The following DUSP16 variants were observed in gnomAD, a reference collection of about 807,000 sequenced individuals.
The protein encoded by DUSP16 is dual specificity protein phosphatase 16.
Under a neutral mutation model 58.3 loss-of-function variants are expected in DUSP16, and 21 were observed. The observed-to-expected ratio is 0.36, with a 90% CI of 0.26 to 0.52. DUSP16 has a LOEUF of 0.52. Among genes scored for constraint, DUSP16 ranks in the 20% least tolerant of loss-of-function variants. The probability of loss-of-function intolerance (pLI) is 0.94; values close to 1 mark genes in which losing one functional copy is unlikely to be tolerated. For synonymous variants in DUSP16, 320 were observed against 323.8 expected, an observed-to-expected ratio of 0.99 and a Z score of 0.12; for missense variants, 726 against 819.0, an observed-to-expected ratio of 0.89 and a Z score of 1.39.
intron 3 of DUSP16, among the ~76,000 whole-genome samples, chr12:12,511,365 T>A (rs1944077230): frequency 6.6e-6 from 1 of 152,124 alleles, no homozygotes; most frequent in African/African-American, 2.4e-5. Context: ...AAGTACAAAT[T>A]CTTCCTTCTG....
intron 5 of DUSP16, chr12:12,485,429 T>A (rs996308869): frequency 2.0e-5 from 3 of 152,258 alleles, no homozygotes; most frequent in African/African-American, 7.2e-5. Context: ...GCAAGTGTTT[T>A]GGAATTACTT....
rs1313220340 is a variant in DUSP16 at position 12,562,703 on chromosome 12, G to A, written c.-952C>T. On this transcript the variant is annotated 5_prime_UTR_variant, in exon 1 of 7. Transcript: ENST00000298573. ...CAGTGAATGAACTCAGCGGAGCCCC[G>A]GGGAAAGGAGGAGACAGGCGAGGGC... Among the ~76,000 whole-genome samples the A allele has an allele frequency of 6.6e-6, 1 of 151,730 alleles. No homozygotes were observed. Among genetic ancestry groups the A allele is most frequent in the Non-Finnish European group, 1.5e-5 (1 of 67,782 alleles).
chr12:12,478,108 G>T (rs1039173705), intron 6 of DUSP16, 93 bp from the exon 7 acceptor site: 13 of 1,166,112 alleles, frequency 1.1e-5, no homozygotes, highest in African/African-American at 7.8e-5. Flanking sequence ...GAATTATCAG[G>T]CAGACCTCAA....
intron 3 of DUSP16, among the ~76,000 whole-genome samples, chr12:12,503,138 G>C (rs979408303): frequency 1.4e-4 from 21 of 151,730 alleles, no homozygotes; most frequent in Admixed American, 4.6e-4. Flanking sequence ...CTATCTCACA[G>C]AGTTGTTGAG....
chr12:12,512,281 T>C (rs144576638), intron 3 of DUSP16, among the ~76,000 whole-genome samples: 121 of 152,328 alleles, frequency 7.9e-4, no homozygotes, highest in Admixed American at 5.6e-3. Context: ...GTGATATACA[T>C]ATACACTTGG....
intron 4 of DUSP16, among the ~76,000 whole-genome samples, chr12:12,487,463 A>G (rs1245959769): frequency 2.0e-5 from 3 of 152,228 alleles, no homozygotes; most frequent in Non-Finnish European, 4.4e-5. Context: ...ATTACTAGAG[A>G]GAGAAGTGGA....
intron 1 of DUSP16, among the ~76,000 whole-genome samples, chr12:12,556,287 G>A (rs1478830941): frequency 1.3e-5 from 2 of 152,164 alleles, no homozygotes; most frequent in African/African-American, 4.8e-5. Flanking sequence ...GCTGGTCACA[G>A]TGGCTTGTGC....
intron 3 of DUSP16, among the ~76,000 whole-genome samples, chr12:12,507,985 T>C (rs1406208113): frequency 6.6e-6 from 1 of 152,228 alleles, no homozygotes; most frequent in Non-Finnish European, 1.5e-5. Flanking sequence ...ATAAACACAA[T>C]CCTTTCATTT....
intron 1 of DUSP16, among the ~76,000 whole-genome samples, chr12:12,524,643 A>G (rs551276262): frequency 4.6e-5 from 7 of 152,356 alleles, no homozygotes; most frequent in South Asian, 4.1e-4. Flanking sequence ...CAGAATTTCT[A>G]TAAGTCAAGG....
chr12:12,547,285 C>G (rs566138311), intron 1 of DUSP16, among the ~76,000 whole-genome samples: 1 of 151,586 alleles, frequency 6.6e-6, no homozygotes, highest in African/African-American at 2.4e-5. Context: ...AAAAATTAGC[C>G]GGGCGTGGTG....
intron 2 of DUSP16, 22 bp downstream of exon 2, chr12:12,520,849 A>T (rs1342075900): frequency 1.2e-6 from 2 of 1,610,188 alleles, no homozygotes. Flanking sequence ...TATTTTGAAA[A>T]GGCAAAAAGG....
At chr12:12,550,069 T>C (rs965537207) in intron 1 of DUSP16, among the ~76,000 whole-genome samples, 2 of 152,094 alleles carry the variant, frequency 1.3e-5, no homozygotes, top group African/African-American at 4.8e-5. Flanking sequence ...GGTTAGGAGT[T>C]GAAGACCAGC....
chr12:12,487,997 C>T (rs985724206), intron 4 of DUSP16, among the ~76,000 whole-genome samples: 13 of 152,134 alleles, frequency 8.5e-5, no homozygotes, highest in African/African-American at 2.7e-4. Context: ...GCCAAGATAA[C>T]CAAAAAAGCC....
In DUSP16 at chr12:12,476,745, T is replaced by C. The variant is rs1056762402; in HGVS notation, c.*88A>G. On this transcript the variant is annotated 3_prime_UTR_variant, in exon 7 of 7. Coordinates refer to ENST00000298573, the MANE Select transcript of DUSP16 (RefSeq NM_030640.3). ...TCCATTTTCCAAAAATATATATGTA[T>C]GTACATATATATATTTCAGATTTAC... 1.0e-5 allele frequency: 13 copies of C among 1,239,040 alleles called. No homozygotes were observed. The highest frequency in any genetic ancestry group is 3.0e-5 in the African/African-American group (2 of 65,860). The allele number at this position is 1,239,040 out of a possible 1,614,324, so 76.8% of individuals were successfully genotyped here. A position where few individuals can be genotyped will look rare whatever the true frequency, so the allele number is the denominator to read the frequency against.
intron 5 of DUSP16, 66 bp downstream of exon 5, chr12:12,486,962 T>C: frequency 6.3e-7 from 1 of 1,577,686 alleles, no homozygotes; most frequent in Non-Finnish European, 8.7e-7. Flanking sequence ...AATGGGGGGC[T>C]GAGGGGGTTC....
chr12:12,529,974 T>C (rs1944361814), intron 1 of DUSP16, among the ~76,000 whole-genome samples: 1 of 152,256 alleles, frequency 6.6e-6, no homozygotes, highest in Admixed American at 6.5e-5. Flanking sequence ...TCTTGGCTAT[T>C]GTAAATAGCA....
chr12:12,507,384 C>T (rs1944012240), intron 3 of DUSP16, among the ~76,000 whole-genome samples: 2 of 152,178 alleles, frequency 1.3e-5, no homozygotes, highest in South Asian at 4.1e-4. Flanking sequence ...GATTTATCAA[C>T]TGGCAGAGCC....
intron 3 of DUSP16, among the ~76,000 whole-genome samples, chr12:12,504,528 C>G (rs1348512259): frequency 6.6e-6 from 1 of 152,068 alleles, no homozygotes; most frequent in Non-Finnish European, 1.5e-5. Context: ...TCCCACAGTG[C>G]TGGGTTTACA....
chr12:12,547,584 G>A (rs1183255883), intron 1 of DUSP16, among the ~76,000 whole-genome samples: 2 of 142,100 alleles, frequency 1.4e-5, no homozygotes, highest in Non-Finnish European at 3.0e-5. Flanking sequence ...TGTATCTCCA[G>A]GGTAAGTACA....
Sources: allele counts gnomAD v4.1 joint callset (sites outside exome capture counted in the v4.1 genomes callset), GRCh38; gene constraint gnomAD v4.1.1; transcripts MANE v1.5; gene names NCBI Gene and HGNC (gene_info 2026-07-23, HGNC 2026-07-21).